The following PRCC variants were observed in gnomAD, a reference collection of about 807,000 sequenced individuals.
The protein encoded by PRCC is proline-rich protein PRCC.
Under a neutral mutation model 44.0 loss-of-function variants are expected in PRCC, and 10 were observed. The ratio of observed to expected loss-of-function variants is 0.23; its 90% CI spans 0.14 to 0.39. The LOEUF (loss-of-function observed/expected upper bound fraction) is 0.39. PRCC is among the 10% of genes least tolerant of loss of function. PRCC has a pLI of 1.00. For missense variants in PRCC, 573 were observed against 624.7 expected, an observed-to-expected ratio of 0.92 and a Z score of 0.88; for synonymous variants, 278 against 259.5, an observed-to-expected ratio of 1.07 and a Z score of -0.69.
chr1:156,777,761 CAGAG>C (rs1242600767), intron 1 of PRCC, among the ~76,000 whole-genome samples: 2 of 151,780 alleles, frequency 1.3e-5, no homozygotes, highest in Admixed American at 6.6e-5. Flanking sequence ...TGAGAGTCAT[CAGAG>C]AGACTTCTCA....
chr1:156,779,101 G>GT (rs1412884631), intron 1 of PRCC, among the ~76,000 whole-genome samples: 1 of 63,330 alleles, frequency 1.6e-5, no homozygotes, highest in African/African-American at 5.6e-5. Context: ...GCCCGGCCGG[G>GT]TAATATATAT....
chr1:156,798,189 T>G (rs767333373), intron 6 of PRCC, among the ~76,000 whole-genome samples: 2 of 152,228 alleles, frequency 1.3e-5, no homozygotes, highest in Non-Finnish European at 2.9e-5. Context: ...CCCTAACAGC[T>G]AACTACTAAT....
At chr1:156,799,950 TGTTTTG>T (rs1652782451) in intron 6 of PRCC, among the ~76,000 whole-genome samples, 1 of 152,238 alleles carries the variant, frequency 6.6e-6, no homozygotes, top group South Asian at 2.1e-4. Context: ...GTTGGTGTTC[TGTTTTG>T]ACTGGTCCAG....
At chr1:156,796,338 G>A (rs1049977691) in intron 5 of PRCC, 4 of 152,180 alleles carry the variant, frequency 2.6e-5, no homozygotes, top group Non-Finnish European at 4.4e-5. Flanking sequence ...TTGTTAAAAG[G>A]AGAAAAAGAT....
chr1:156,791,895 A>AC (rs1426138749), intron 4 of PRCC, 103 bp downstream of exon 4: 2 of 1,046,182 alleles, frequency 1.9e-6, no homozygotes, highest in Non-Finnish European at 2.8e-6. Flanking sequence ...AAAAGACAAA[A>AC]CTGTATCAGG....
chr1:156,792,756 G>T (rs895336132), intron 4 of PRCC, among the ~76,000 whole-genome samples: 1 of 152,124 alleles, frequency 6.6e-6, no homozygotes, highest in Non-Finnish European at 1.5e-5. Context: ...CATCTAGCCG[G>T]CCATATCTAG....
intron 1 of PRCC, among the ~76,000 whole-genome samples, chr1:156,772,322 T>G (rs1177196319): frequency 6.6e-6 from 1 of 152,232 alleles, no homozygotes; most frequent in Non-Finnish European, 1.5e-5. Flanking sequence ...TTTGGTTGAT[T>G]TGATTTGGGT....
chr1:156,770,863 C>T (rs11264543), intron 1 of PRCC, among the ~76,000 whole-genome samples: 28,790 of 152,228 alleles, frequency 0.19, 2,970 homozygotes, highest in Middle Eastern at 0.26. Flanking sequence ...TCAACCATTT[C>T]GTTCAATTGA....
intron 1 of PRCC, among the ~76,000 whole-genome samples, chr1:156,769,014 A>G (rs190240107): frequency 6.6e-6 from 1 of 152,322 alleles, no homozygotes; most frequent in Non-Finnish European, 1.5e-5. Context: ...AGCGAGTCTT[A>G]CCTGTTTCTA....
intron 2 of PRCC, 139 bp from the exon 3 acceptor site, chr1:156,786,469 A>G (rs1246993859): frequency 1.1e-6 from 1 of 870,400 alleles, no homozygotes; most frequent in Non-Finnish European, 1.7e-6. Flanking sequence ...GTCTGAGTGG[A>G]CGGAGGTAAG....
chr1:156,783,932 GTATT>G (rs1213504054), intron 2 of PRCC, among the ~76,000 whole-genome samples: 1 of 150,088 alleles, frequency 6.7e-6, no homozygotes, highest in African/African-American at 2.4e-5. Context: ...GCTGATGTTT[GTATT>G]TATTTATTTA....
chr1:156,778,240 G>A (rs1651898335), intron 1 of PRCC, among the ~76,000 whole-genome samples: 2 of 152,068 alleles, frequency 1.3e-5, no homozygotes, highest in Admixed American at 1.3e-4. Flanking sequence ...CTTCTATGAA[G>A]TACTTTCTTT....
intron 1 of PRCC, among the ~76,000 whole-genome samples, chr1:156,774,924 C>T (rs1358407747): frequency 2.0e-5 from 3 of 147,160 alleles, no homozygotes; most frequent in Non-Finnish European, 3.0e-5. Context: ...GCCCTCCAGC[C>T]TGGGTGACAG....
At chr1:156,782,793 T>G (rs1042175023) in intron 2 of PRCC, among the ~76,000 whole-genome samples, 2 of 152,218 alleles carry the variant, frequency 1.3e-5, no homozygotes, top group Non-Finnish European at 2.9e-5. Context: ...TGATAGTGCC[T>G]AAGCCATAGT....
chr1:156,798,840 CA>C (rs890646541), intron 6 of PRCC, among the ~76,000 whole-genome samples: 4,679 of 53,646 alleles, frequency 0.087, 77 homozygotes, highest in African/African-American at 0.15. Flanking sequence ...GACTCCATCT[CA>C]AAAAAAAAAA....
intron 3 of PRCC, among the ~76,000 whole-genome samples, chr1:156,787,936 A>G (rs984685264): frequency 1.3e-5 from 2 of 151,674 alleles, no homozygotes; most frequent in Admixed American, 6.6e-5. Flanking sequence ...GGTTCAAGCA[A>G]CTCTCCCACC....
At chr1:156,799,607 T>C (rs943493388) in intron 6 of PRCC, among the ~76,000 whole-genome samples, 2 of 152,248 alleles carry the variant, frequency 1.3e-5, no homozygotes, top group Non-Finnish European at 2.9e-5. Context: ...TTTGTACTCT[T>C]TCCCTGTCTT....
intron 1 of PRCC, among the ~76,000 whole-genome samples, chr1:156,778,543 C>T (rs1292879059): frequency 2.0e-5 from 3 of 151,330 alleles, no homozygotes; most frequent in Non-Finnish European, 4.4e-5. Context: ...TTTGGGTAAA[C>T]ACCTAGAGAA....
At chr1:156,787,442 T>C in intron 3 of PRCC, among the ~76,000 whole-genome samples, 1 of 134,284 alleles carries the variant, frequency 7.4e-6, no homozygotes, top group African/African-American at 2.7e-5. Flanking sequence ...TTGTACATAT[T>C]TGTGATTGAT....
Sources: gnomAD v4.1 joint callset for allele counts (sites outside exome capture counted in the v4.1 genomes callset) on GRCh38, gnomAD v4.1.1 for gene constraint, MANE v1.5 for transcripts, NCBI Gene and HGNC (gene_info 2026-07-23, HGNC 2026-07-21) for gene names.